Variants in CDK5RAP2 observed in about 807,000 individuals in gnomAD.
CDK5RAP2 encodes CDK5 regulatory subunit-associated protein 2.
CDK5RAP2 carries 147 observed loss-of-function variants against 232.9 expected under a neutral mutation model. The ratio of observed to expected loss-of-function variants is 0.63; its 90% confidence interval spans 0.55 to 0.72. CDK5RAP2 has a LOEUF of 0.72. CDK5RAP2 is among the 30% of genes least tolerant of loss of function. CDK5RAP2 has a pLI of 0.00. For missense variants in CDK5RAP2, 2,195 were observed against 2,231.5 expected, an observed-to-expected ratio of 0.98 and a Z score of 0.33; for synonymous variants, 833 against 833.7, an observed-to-expected ratio of 1.00 and a Z score of 0.01.
At chr9:120,505,409 C>T (rs953695622) in intron 12 of CDK5RAP2, among the ~76,000 whole-genome samples, 2 of 152,156 alleles carry the variant, frequency 1.3e-5, no homozygotes, top group African/African-American at 4.8e-5. Flanking sequence ...TCTCCTCATG[C>T]CTCCCTATGC....
chr9:120,415,283 G>T, intron 27 of CDK5RAP2, 124 bp from the exon 28 acceptor site: 2 of 1,115,540 alleles, frequency 1.8e-6, no homozygotes, highest in Non-Finnish European at 2.6e-6. Context: ...TTAGCAACTG[G>T]CAATTCTTTC....
chr9:120,537,717 A>G (rs1299883182), intron 6 of CDK5RAP2, among the ~76,000 whole-genome samples: 2 of 152,200 alleles, frequency 1.3e-5, no homozygotes, highest in African/African-American at 4.8e-5. Flanking sequence ...GAAAGAATGA[A>G]AAAGGATGAC....
intron 2 of CDK5RAP2, among the ~76,000 whole-genome samples, chr9:120,570,330 T>C (rs1202495083): frequency 6.6e-6 from 1 of 152,154 alleles, no homozygotes; most frequent in Non-Finnish European, 1.5e-5. Flanking sequence ...ATCAATTTCT[T>C]GGGAAACTCT....
intron 30 of CDK5RAP2, among the ~76,000 whole-genome samples, chr9:120,408,844 A>C (rs578090364): frequency 5.3e-5 from 8 of 152,222 alleles, no homozygotes; most frequent in African/African-American, 1.9e-4. Context: ...TAGCTGCAGC[A>C]CTCACCTCCT....
At chr9:120,566,815 C>T (rs2042664581) in intron 3 of CDK5RAP2, among the ~76,000 whole-genome samples, 1 of 152,214 alleles carries the variant, frequency 6.6e-6, no homozygotes, top group Non-Finnish European at 1.5e-5. Flanking sequence ...TGTCACATCA[C>T]ATCCCTGGGC....
chr9:120,437,449 ACAGATGC>A lies in CDK5RAP2; in HGVS notation c.3794_3800del (p.Gly1265ValfsTer8). ...TGTTCATGTGTTGACGGGAGATGAC[ACAGATGC>A]CATGGCCATCCTTAATCTGCTGCCG... On this transcript the variant is annotated frameshift_variant, in exon 25 of 38. Coordinates refer to ENST00000349780, the MANE Select transcript of CDK5RAP2 (RefSeq NM_018249.6). LOFTEE classifies it high-confidence loss of function. 6.2e-7 allele frequency: 1 copy of A among 1,614,178 alleles called. No homozygotes were observed. The highest frequency in any genetic ancestry group is 8.5e-7 in the Non-Finnish European group (1 of 1,180,020).
At chr9:120,477,008 T>C (rs1339131094) in intron 15 of CDK5RAP2, among the ~76,000 whole-genome samples, 2 of 152,234 alleles carry the variant, frequency 1.3e-5, no homozygotes, top group East Asian at 3.8e-4. Context: ...GGGATAGCAT[T>C]ATTATTACTT....
intron 14 of CDK5RAP2, among the ~76,000 whole-genome samples, chr9:120,483,011 G>A (rs376775217): frequency 6.6e-6 from 1 of 152,132 alleles, no homozygotes; most frequent in Non-Finnish European, 1.5e-5. Context: ...ACAGGCAGGC[G>A]GCCAGGCTGC....
Position 120,420,006 on chromosome 9 carries a change from C to G in CDK5RAP2, c.4005-46G>C, listed in dbSNP as rs756292158. The G allele has an allele frequency of 4.0e-6, 6 of 1,509,776 alleles. No individual in the cohort carries two copies. The East Asian group carries it at 1.1e-4, about 28-fold the overall frequency. 93.5% of individuals were successfully genotyped at this position (1,509,776 alleles called of 1,614,324 possible). ...GATAAATCATCTCCCATGCTAAAATCCCAAGCCAGGACTATGACTTACGAA... is the reference window on the plus strand; with the variant it reads ...GATAAATCATCTCCCATGCTAAAATGCCAAGCCAGGACTATGACTTACGAA... On this transcript the variant is annotated intron_variant, in intron 26 of 37. Transcript: ENST00000349780.
chr9:120,574,265 T>C (rs2042953195), intron 1 of CDK5RAP2, among the ~76,000 whole-genome samples: 1 of 152,212 alleles, frequency 6.6e-6, no homozygotes, highest in Admixed American at 6.5e-5. Context: ...ATCTGTCATC[T>C]GCACCCTCCA....
chr9:120,471,803 A>G lies in CDK5RAP2; in HGVS notation c.1803T>C (p.Tyr601=), dbSNP rs1215448135. 3 of 1,613,946 alleles carry G rather than the reference A, an allele frequency of 1.9e-6. No individual in the cohort carries two copies. The highest frequency in any genetic ancestry group is 1.7e-5 in the Admixed American group (1 of 60,026). ...RKQLEQDVLS[Y]QNLRKTLEEQ... ...CCTCCAAGGTCTTCCGCAAATTCTG[A>G]TATGAAAGCACATCCTGCTCCAGTT... The change falls in exon 16 of 38, where the codon TAT becomes TAC. Residue 601 remains tyrosine, a synonymous_variant. Transcript: ENST00000349780.
chr9:120,443,799 A>G, intron 22 of CDK5RAP2, 57 bp from the exon 23 acceptor site: 1 of 1,609,716 alleles, frequency 6.2e-7, no homozygotes, highest in Middle Eastern at 1.7e-4. Context: ...CCTGAAACTT[A>G]GCCAAGCAAC....
chr9:120,566,965 G>C (rs1429185850), intron 3 of CDK5RAP2, among the ~76,000 whole-genome samples: 1 of 152,174 alleles, frequency 6.6e-6, no homozygotes, highest in Non-Finnish European at 1.5e-5. Context: ...ATGTAAAACA[G>C]TGCCCTTCAA....
chr9:120,552,126 A>G (rs1334883903), intron 3 of CDK5RAP2, among the ~76,000 whole-genome samples: 1 of 152,088 alleles, frequency 6.6e-6, no homozygotes, highest in Non-Finnish European at 1.5e-5. Context: ...AGAAATGCAA[A>G]TCAAAACCAC....
chr9:120,411,123 C>T (rs181806398), intron 29 of CDK5RAP2, among the ~76,000 whole-genome samples: 1 of 152,336 alleles, frequency 6.6e-6, no homozygotes, highest in Admixed American at 6.5e-5. Flanking sequence ...GAGAGCTTTA[C>T]ACCGTTCAAC....
intron 5 of CDK5RAP2, among the ~76,000 whole-genome samples, chr9:120,542,183 T>C (rs137967448): frequency 6.6e-6 from 1 of 152,326 alleles, no homozygotes; most frequent in Non-Finnish European, 1.5e-5. Context: ...ACAGACATAC[T>C]GCTGGGTGCT....
intron 12 of CDK5RAP2, among the ~76,000 whole-genome samples, chr9:120,505,293 AGTT>A (rs1315992697): frequency 1.3e-5 from 2 of 152,140 alleles, no homozygotes; most frequent in Non-Finnish European, 2.9e-5. Flanking sequence ...TTCCTATTCC[AGTT>A]GTTTGGCAGT....
chr9:120,514,496 C>T (rs1212821559), intron 12 of CDK5RAP2, among the ~76,000 whole-genome samples: 5 of 152,176 alleles, frequency 3.3e-5, no homozygotes, highest in Non-Finnish European at 5.9e-5. Flanking sequence ...TGTGGGAGTT[C>T]TTCTTCCTCT....
intron 27 of CDK5RAP2, among the ~76,000 whole-genome samples, chr9:120,418,149 C>G (rs548773482): frequency 1.2e-3 from 181 of 152,288 alleles, no homozygotes; most frequent in African/African-American, 4.3e-3. Flanking sequence ...AGGCTGAAGA[C>G]ACACCAAAAA....
Sources: allele counts gnomAD v4.1 joint callset (sites outside exome capture counted in the v4.1 genomes callset), GRCh38; gene constraint gnomAD v4.1.1; transcripts MANE v1.5; gene names NCBI Gene and HGNC (gene_info 2026-07-23, HGNC 2026-07-21).